CNTN5: variants seen among roughly 807,000 people sequenced by gnomAD.
The protein encoded by CNTN5 is contactin 5.
Under a neutral mutation model 129.1 loss-of-function variants are expected in CNTN5, and 77 were observed. The observed-to-expected ratio is 0.60, with a 90% CI of 0.50 to 0.72. The LOEUF (loss-of-function observed/expected upper bound fraction) is 0.72. CNTN5 is among the 30% of genes least tolerant of loss of function. The pLI is 0.00. For missense variants in CNTN5, 1,478 were observed against 1,328.8 expected (o/e 1.11, Z -1.75); for synonymous variants, 509 against 465.6 (o/e 1.09, Z -1.20).
rs149105422 is a variant in CNTN5 at position 99,608,963 on chromosome 11, C to G, written c.55+52694C>G. On this transcript the variant is annotated intron_variant, in intron 3 of 24. Coordinates refer to ENST00000524871, the MANE Select transcript of CNTN5 (RefSeq NM_014361.4). ...TGCTCTATTAAAATTAATTTCAACA[C>G]TTATTCTCCTTTCTCACTGATAAAT... 2.4e-3 allele frequency among the ~76,000 whole-genome samples: 367 copies of G among 152,254 alleles called. 2 individuals carry two copies. The highest frequency in any genetic ancestry group is 8.3e-3 in the African/African-American group (345 of 41,566).
At chr11:99,669,822 T>C (rs1239667853) in intron 3 of CNTN5, among the ~76,000 whole-genome samples, 1 of 152,122 alleles carries the variant, frequency 6.6e-6, no homozygotes, top group Non-Finnish European at 1.5e-5. Context: ...ATTAGTGCCA[T>C]AGGGAATGAC....
chr11:99,624,256 T>C (rs980155307), intron 3 of CNTN5, among the ~76,000 whole-genome samples: 1 of 152,102 alleles, frequency 6.6e-6, no homozygotes, highest in African/African-American at 2.4e-5. Flanking sequence ...ATAATAGTTG[T>C]TTTAATTGTT....
chr11:99,693,060 A>G (rs186297347), intron 3 of CNTN5, among the ~76,000 whole-genome samples: 49 of 152,216 alleles, frequency 3.2e-4, no homozygotes, highest in African/African-American at 1.2e-3. Flanking sequence ...TGAAGAAAAA[A>G]TTTTCAAGCT....
Position 99,556,284 on chromosome 11 carries a change from T to G in CNTN5, c.55+15T>G. On this transcript the variant is annotated intron_variant, in intron 3 of 24. Transcript: ENST00000524871. Reference sequence around the variant, plus strand: ...GTGTCTTTCAGGTAAAAGTCCTGATTAATTAATTATTTGATTTTCTAAGTA... The same window carrying G: ...GTGTCTTTCAGGTAAAAGTCCTGATGAATTAATTATTTGATTTTCTAAGTA... The G allele has an allele frequency of 6.7e-7, 1 of 1,484,472 alleles. No homozygotes were observed. The highest frequency in any genetic ancestry group is 2.5e-5 in the East Asian group (1 of 39,824). The allele number at this position is 1,484,472 out of a possible 1,614,324, so 92.0% of individuals were successfully genotyped here. A position where few individuals can be genotyped will look rare whatever the true frequency, so the allele number is the denominator to read the frequency against.
rs116350494 is a variant in CNTN5 at position 99,107,173 on chromosome 11, C to T, written c.-210+85903C>T. ...GCTAGGAAAACTGGAAAATGATGCC[C>T]CTAGCATATTGAAGAATAATAGAAG... On this transcript the variant is annotated intron_variant, in intron 1 of 24. Coordinates refer to ENST00000524871, the MANE Select transcript of CNTN5 (RefSeq NM_014361.4). Among the ~76,000 whole-genome samples, 1,210 of 152,102 alleles carry T rather than the reference C, an allele frequency of 8.0e-3. 21 individuals carry two copies. Among genetic ancestry groups the T allele is most frequent in the African/African-American group, 0.027 (1,124 of 41,474 alleles).
chr11:99,502,940 C>A (rs1378518511), intron 2 of CNTN5, among the ~76,000 whole-genome samples: 2 of 152,128 alleles, frequency 1.3e-5, no homozygotes, highest in Admixed American at 1.3e-4. Flanking sequence ...TTCAGTCATT[C>A]TGCATGGCTA....
At chr11:100,042,817 A>G (rs1942455788) in intron 9 of CNTN5, among the ~76,000 whole-genome samples, 1 of 152,198 alleles carries the variant, frequency 6.6e-6, no homozygotes, top group Admixed American at 6.5e-5. Flanking sequence ...TTTGAGCCAA[A>G]TGAATAGCAT....
rs1948732169 is a variant in CNTN5 at position 99,558,126 on chromosome 11, T to C, written c.55+1857T>C. 1.7e-5 allele frequency: 3 copies of C among 171,708 alleles called. No homozygotes were observed. In the South Asian group the frequency reaches 3.8e-4, roughly 21 times the overall value. 10.6% of individuals were successfully genotyped at this position (171,708 alleles called of 1,614,324 possible). A position where few individuals can be genotyped will look rare whatever the true frequency, so the allele number is the denominator to read the frequency against. ...GGCATTAAGAGTTAAGTGAAAACTG[T>C]GATTCATCAATATTATGGTTACTTA... On this transcript the variant is annotated intron_variant, in intron 3 of 24. Coordinates refer to ENST00000524871, the MANE Select transcript of CNTN5 (RefSeq NM_014361.4).
intron 7 of CNTN5, among the ~76,000 whole-genome samples, chr11:99,944,713 C>T (rs1294054036): frequency 2.0e-5 from 3 of 151,962 alleles, no homozygotes; most frequent in African/African-American, 7.2e-5. Context: ...TTCTTATACA[C>T]CAATAATAGA....
At chr11:99,532,144 T>G (rs10790775) in intron 2 of CNTN5, among the ~76,000 whole-genome samples, 37,346 of 151,856 alleles carry the variant, frequency 0.25, 5,089 homozygotes, top group Non-Finnish European at 0.31. Flanking sequence ...GGGCAGAGCT[T>G]CCCAAGACCA....
chr11:100,203,990 T>G (rs1363529722), intron 15 of CNTN5, among the ~76,000 whole-genome samples: 1 of 151,816 alleles, frequency 6.6e-6, no homozygotes, highest in Non-Finnish European at 1.5e-5. Flanking sequence ...CTTGTAAGCT[T>G]TGCAAACTGC....
At chr11:99,343,553 T>C (rs1406437562) in intron 2 of CNTN5, among the ~76,000 whole-genome samples, 1 of 152,232 alleles carries the variant, frequency 6.6e-6, no homozygotes, top group African/African-American at 2.4e-5. Context: ...TAAAAAGCCC[T>C]GTGCATAGTT....
At chr11:99,598,269 CTT>C (rs1419417195) in intron 3 of CNTN5, among the ~76,000 whole-genome samples, 3 of 1,640 alleles carry the variant, frequency 1.8e-3, no homozygotes, top group Non-Finnish European at 4.1e-3. Flanking sequence ...CTTTTCTTTT[CTT>C]TTCTTTTCTT....
At chr11:99,875,288 C>T (rs1948603579) in intron 6 of CNTN5, among the ~76,000 whole-genome samples, 3 of 152,008 alleles carry the variant, frequency 2.0e-5, no homozygotes, top group Non-Finnish European at 1.5e-5. Context: ...AAAGTAATTA[C>T]TGAGAATTTT....
intron 2 of CNTN5, among the ~76,000 whole-genome samples, chr11:99,394,614 G>C (rs529856321): frequency 1.3e-5 from 2 of 151,488 alleles, no homozygotes; most frequent in Non-Finnish European, 3.0e-5. Context: ...TTGTTATGGG[G>C]TTTTTTGTAC....
intron 3 of CNTN5, among the ~76,000 whole-genome samples, chr11:99,794,770 A>G (rs1261623401): frequency 6.6e-6 from 1 of 152,036 alleles, no homozygotes; most frequent in Non-Finnish European, 1.5e-5. Context: ...TCTGGCTTGT[A>G]TGGTTTCTGT....
At chr11:99,902,192 C>T (rs1289413023) in intron 6 of CNTN5, among the ~76,000 whole-genome samples, 1 of 151,106 alleles carries the variant, frequency 6.6e-6, no homozygotes, top group African/African-American at 2.4e-5. Flanking sequence ...TTTTAGTGAA[C>T]CAGAGCGTGG....
chr11:99,255,611 CAA>C (rs1862338096), intron 1 of CNTN5, among the ~76,000 whole-genome samples: 1 of 151,166 alleles, frequency 6.6e-6, no homozygotes, highest in Non-Finnish European at 1.5e-5. Flanking sequence ...TAACGGACCA[CAA>C]AAAAATTTAC....
chr11:99,423,401 G>A (rs372941195), intron 2 of CNTN5, among the ~76,000 whole-genome samples: 4 of 152,294 alleles, frequency 2.6e-5, no homozygotes, highest in South Asian at 4.1e-4. Context: ...ATGGCTCCTT[G>A]GTCGTTGAGA....
Sources: allele counts gnomAD v4.1 joint callset (sites outside exome capture counted in the v4.1 genomes callset), GRCh38; gene constraint gnomAD v4.1.1; transcripts MANE v1.5; gene names NCBI Gene and HGNC (gene_info 2026-07-23, HGNC 2026-07-21).